The following COL26A1 variants were observed in gnomAD, a reference collection of about 807,000 sequenced individuals.
COL26A1 encodes collagen alpha-1(XXVI) chain.
Under a neutral mutation model 59.3 loss-of-function variants are expected in COL26A1, and 41 were observed. That is an observed-to-expected ratio of 0.69 (90% CI 0.54 to 0.90). COL26A1 has a LOEUF of 0.90. Ranked by LOEUF, COL26A1 falls within the 40% of genes least tolerant of loss-of-function variation. The pLI, the probability that COL26A1 is intolerant of heterozygous loss-of-function variation, is 0.00. For missense variants in COL26A1, 612 were observed against 602.3 expected, an observed-to-expected ratio of 1.02 and a Z score of -0.17; for synonymous variants, 266 against 256.0, an observed-to-expected ratio of 1.04 and a Z score of -0.37.
chr7:101,479,139 A>T (rs1349295958), intron 3 of COL26A1, among the ~76,000 whole-genome samples: 1 of 152,212 alleles, frequency 6.6e-6, no homozygotes, highest in Admixed American at 6.5e-5. Flanking sequence ...ATTCTTCTAC[A>T]TATTGTCAAT....
At chr7:101,482,746 C>T (rs1794184089) in intron 3 of COL26A1, among the ~76,000 whole-genome samples, 2 of 152,140 alleles carry the variant, frequency 1.3e-5, no homozygotes, top group African/African-American at 4.8e-5. Flanking sequence ...TACTTGAGAC[C>T]AGGAGTTCAA....
intron 11 of COL26A1, among the ~76,000 whole-genome samples, chr7:101,554,977 T>A (rs1332108127): frequency 6.6e-6 from 1 of 152,210 alleles, no homozygotes; most frequent in Non-Finnish European, 1.5e-5. Flanking sequence ...GGTTTCCTTT[T>A]GTTTCATTTT....
In COL26A1 at chr7:101,382,879, TAA is replaced by T. The variant is rs1562956025; in HGVS notation, c.158+19693_158+19694del. Reference sequence around the variant, plus strand: ...TGGCCAACGTGGAGAATATCGCTACTAAAAATACAAAAGTTAGCTGGGCGTGG... The same window carrying T: ...TGGCCAACGTGGAGAATATCGCTACTAAATACAAAAGTTAGCTGGGCGTGG... On this transcript the variant is annotated intron_variant, in intron 1 of 12. Coordinates refer to ENST00000313669, the MANE Select transcript of COL26A1 (RefSeq NM_001278563.3). 2.6e-5 allele frequency among the ~76,000 whole-genome samples: 4 copies of T among 152,046 alleles called. No individual in the cohort carries two copies. In the South Asian group the frequency reaches 8.3e-4, roughly 32 times the overall value.
In COL26A1 at chr7:101,447,762, C is replaced by G. The variant is rs777838789; in HGVS notation, c.360C>G (p.Gly120=). Residue 120 remains glycine (G), a synonymous_variant, in exon 3 of 13, where the codon GGC becomes GGG. Transcript: ENST00000313669. ...VTVLEWRCCP[G]FTGSNCDEEC... is the part of the protein sequence containing the mutation. The stretch of plus-strand genomic sequence containing the variant: ...TGCTGGAGTGGAGATGCTGCCCTGG[C>G]TTCACCGGGAGCAACTGTGATGAGG... 6 of 1,603,972 alleles carry G rather than the reference C, an allele frequency of 3.7e-6. No individual in the cohort carries two copies. In the East Asian group the frequency reaches 1.1e-4, roughly 30 times the overall value.
chr7:101,395,656 C>T lies in COL26A1; in HGVS notation c.159-24321C>T, dbSNP rs545168186. Among the ~76,000 whole-genome samples, 148 of 152,214 alleles carry T rather than the reference C, an allele frequency of 9.7e-4. 1 individual carries two copies. Among genetic ancestry groups the T allele is most frequent in the South Asian group, 3.9e-3 (19 of 4,822 alleles). ...CCAGGGGAGAGTTGCAATTCTTTTG[C>T]GGTGATTTTGTGACTTTCTTGTGGT... On this transcript the variant is annotated intron_variant, in intron 1 of 12. Transcript: ENST00000313669.
At chr7:101,404,443 A>C (rs1316334172) in intron 1 of COL26A1, among the ~76,000 whole-genome samples, 2 of 152,074 alleles carry the variant, frequency 1.3e-5, no homozygotes, top group Admixed American at 1.3e-4. Context: ...CTCCCCCCCC[A>C]AATGGCTTTG....
intron 3 of COL26A1, among the ~76,000 whole-genome samples, chr7:101,470,380 C>CTGT (rs1793867635): frequency 6.6e-6 from 1 of 152,006 alleles, no homozygotes; most frequent in Non-Finnish European, 1.5e-5. Context: ...AGGCATGAGC[C>CTGT]ACCACGCCCA....
intron 3 of COL26A1, among the ~76,000 whole-genome samples, chr7:101,449,047 T>C (rs1793267959): frequency 6.6e-6 from 1 of 151,908 alleles, no homozygotes; most frequent in Admixed American, 6.6e-5. Flanking sequence ...TGCCAGGGAG[T>C]CCGACAGGTG....
chr7:101,506,625 A>G (rs7793229), intron 3 of COL26A1, among the ~76,000 whole-genome samples: 25,380 of 152,080 alleles, frequency 0.17, 5,364 homozygotes, highest in African/African-American at 0.49. Flanking sequence ...TTCTCCTTTT[A>G]CCTAGCCTCC....
chr7:101,420,136 T>G, intron 2 of COL26A1, 37 bp downstream of exon 2: 1 of 1,605,882 alleles, frequency 6.2e-7, no homozygotes, highest in Non-Finnish European at 8.5e-7. Context: ...TGCCCTTCCC[T>G]CCCATTCCCT....
At chr7:101,525,590 G>A (rs534760747) in intron 3 of COL26A1, among the ~76,000 whole-genome samples, 23 of 150,890 alleles carry the variant, frequency 1.5e-4, no homozygotes, top group Non-Finnish European at 2.7e-4. Context: ...TCCGCCTCCC[G>A]GGTTCAAGCA....
rs374185692 is a variant in COL26A1 at position 101,387,630 on chromosome 7, G to GCT, written c.158+24455_158+24456dup. Among the ~76,000 whole-genome samples the GCT allele has an allele frequency of 1.7e-3, 221 of 132,404 alleles. 2 individuals carry two copies. The highest frequency in any genetic ancestry group is 6.6e-3 in the South Asian group (28 of 4,246). 86.9% of individuals were successfully genotyped at this position (132,404 alleles called of 152,430 possible). On this transcript the variant is annotated intron_variant, in intron 1 of 12. Transcript: ENST00000313669. ...TGCAGTGTGAAGCATTCTCTCTCTC[G>GCT]CTCTCTCTCTCTCTCTTTATATATA...
chr7:101,492,679 A>G (rs1341655657), intron 3 of COL26A1, among the ~76,000 whole-genome samples: 1 of 151,200 alleles, frequency 6.6e-6, no homozygotes, highest in African/African-American at 2.4e-5. Context: ...CCCGGGCAAC[A>G]GAGCAAGACT....
chr7:101,512,413 G>A (rs571802426), intron 3 of COL26A1, among the ~76,000 whole-genome samples: 10 of 152,256 alleles, frequency 6.6e-5, no homozygotes, highest in Non-Finnish European at 1.0e-4. Context: ...GAGACCAGGG[G>A]TTCGAGATGA....
At chr7:101,509,082 G>C (rs556765723) in intron 3 of COL26A1, among the ~76,000 whole-genome samples, 1 of 152,268 alleles carries the variant, frequency 6.6e-6, no homozygotes, top group African/African-American at 2.4e-5. Flanking sequence ...GAAGGTGAAG[G>C]GGGAGCTGAT....
chr7:101,459,440 C>T (rs1240122883), intron 3 of COL26A1, among the ~76,000 whole-genome samples: 1 of 151,380 alleles, frequency 6.6e-6, no homozygotes, highest in African/African-American at 2.4e-5. Flanking sequence ...GCTGGAATTA[C>T]AGGTGCCCAC....
intron 2 of COL26A1, among the ~76,000 whole-genome samples, chr7:101,421,718 T>C (rs1282066321): frequency 6.6e-6 from 1 of 152,106 alleles, no homozygotes; most frequent in Non-Finnish European, 1.5e-5. Flanking sequence ...TTGCTTATGA[T>C]GGTATCTACC....
chr7:101,435,528 A>AC lies in COL26A1; in HGVS notation c.282-12149dup, dbSNP rs919355797. On this transcript the variant is annotated intron_variant, in intron 2 of 12. Transcript: ENST00000313669. Reference sequence around the variant, plus strand: ...TCAGTTTCCCATCCTGGGAAATAGAACCCCCCCACCTTCCTCTGGAGTGGA... The same window carrying AC: ...TCAGTTTCCCATCCTGGGAAATAGAACCCCCCCCACCTTCCTCTGGAGTGGA... Among the ~76,000 whole-genome samples the AC allele has an allele frequency of 5.6e-4, 85 of 151,518 alleles. 2 individuals are homozygous for AC. The highest frequency in any genetic ancestry group is 1.8e-4 in the Non-Finnish European group (12 of 67,882).
intron 1 of COL26A1, among the ~76,000 whole-genome samples, chr7:101,385,273 GTA>G (rs1306950558): frequency 6.8e-6 from 1 of 146,738 alleles, no homozygotes; most frequent in East Asian, 2.0e-4. Flanking sequence ...ATATATATGT[GTA>G]TATATATAGT....
Sources: gnomAD v4.1 joint callset for allele counts (sites outside exome capture counted in the v4.1 genomes callset) on GRCh38, gnomAD v4.1.1 for gene constraint, MANE v1.5 for transcripts, NCBI Gene and HGNC (gene_info 2026-07-23, HGNC 2026-07-21) for gene names.